ZBTB32: variants seen among roughly 807,000 people sequenced by gnomAD.
ZBTB32 encodes the protein zinc finger and BTB domain-containing protein 32.
ZBTB32 carries 28 observed loss-of-function variants against 45.3 expected under a neutral mutation model. That is an observed-to-expected ratio of 0.62 (90% CI 0.46 to 0.85). ZBTB32 has a LOEUF of 0.85. ZBTB32 is among the 40% of genes least tolerant of loss of function. The pLI, the probability that ZBTB32 is intolerant of heterozygous loss-of-function variation, is 0.00. For synonymous variants in ZBTB32, 283 were observed against 255.7 expected (o/e 1.11, Z -1.02); for missense variants, 587 against 624.4 (o/e 0.94, Z 0.64).
chr19:35,716,142 C>T lies in ZBTB32; in HGVS notation c.1034C>T (p.Ala345Val). 3.1e-6 allele frequency: 5 copies of T among 1,613,752 alleles called. No homozygotes were observed. The highest frequency in any genetic ancestry group is 4.2e-6 in the Non-Finnish European group (5 of 1,179,884). Reference sequence around the variant, plus strand: ...TTCTCTGTCCCCACAGGCGCACTTGCAACCTGTGCGGGTCATGAGGACAAG... The same window carrying T: ...TTCTCTGTCCCCACAGGCGCACTTGTAACCTGTGCGGGTCATGAGGACAAG... The part of the protein sequence containing the change: ...ESDQGHTGAL[A>V]TCAGHEDKAG... The change falls in exon 6 of 7, where the codon GCA becomes GTA. Residue 345 changes from alanine to valine, a missense_variant. By Grantham distance (64) the Ala-to-Val change is moderately conservative. Coordinates refer to ENST00000392197, the MANE Select transcript of ZBTB32 (RefSeq NM_014383.3).
At chr19:35,709,003 A>G (rs532032467) in intron 1 of ZBTB32, among the ~76,000 whole-genome samples, 131 of 151,842 alleles carry the variant, frequency 8.6e-4, no homozygotes, top group Non-Finnish European at 1.5e-3. Flanking sequence ...TATTTTTTGT[A>G]GAGACAGGGT....
chr19:35,706,813 A>G (rs373234141), intron 1 of ZBTB32, among the ~76,000 whole-genome samples: 2 of 152,192 alleles, frequency 1.3e-5, no homozygotes, highest in African/African-American at 4.8e-5. Flanking sequence ...GTTGATACCT[A>G]GTTTCATTCA....
chr19:35,715,718 G>A lies in ZBTB32; in HGVS notation c.882-39G>A, dbSNP rs1406307648. ...CTTCACGAAGGGGCCAGGCTCCCAG[G>A]TTTAGCCAAGGCTGTAACTCTTCCC... is the stretch of plus-strand genomic sequence containing the variant. On this transcript the variant is annotated intron_variant, in intron 3 of 6. Coordinates refer to ENST00000392197, the MANE Select transcript of ZBTB32 (RefSeq NM_014383.3). 3.8e-6 allele frequency: 6 copies of A among 1,567,688 alleles called. No homozygotes were observed. In the East Asian group the frequency reaches 9.1e-5, roughly 24 times the overall value.
intron 1 of ZBTB32, among the ~76,000 whole-genome samples, chr19:35,711,579 A>G (rs1007313655): frequency 6.6e-6 from 1 of 152,084 alleles, no homozygotes; most frequent in Non-Finnish European, 1.5e-5. Flanking sequence ...AAGGGTTAAC[A>G]TGTGCCTGCA....
rs372821981 is a variant in ZBTB32, at chr19:35,716,759, G to C, written c.*7G>C. The C allele has an allele frequency of 6.3e-7, 1 of 1,596,578 alleles. No individual in the cohort carries two copies. The highest frequency in any genetic ancestry group is 1.7e-5 in the Admixed American group (1 of 59,670). ...TTCTTCCTCCACCACCTGACGGGGT[G>C]TCGGTAGCGTCTTAGCCAAGAGTCC... On this transcript the variant is annotated 3_prime_UTR_variant, in exon 7 of 7. Transcript: ENST00000392197.
chr19:35,716,328 G>T, intron 6 of ZBTB32, 31 bp downstream of exon 6: 3 of 1,612,016 alleles, frequency 1.9e-6, no homozygotes, highest in South Asian at 1.1e-5. Context: ...GTGAACTGTC[G>T]GCTTTCTTCC....
Position 35,715,501 on chromosome 19 carries a change from A to T in ZBTB32, c.875A>T (p.Glu292Val). The T allele has an allele frequency of 6.5e-7, 1 of 1,539,028 alleles. No individual in the cohort carries two copies. The highest frequency in any genetic ancestry group is 8.7e-7 in the Non-Finnish European group (1 of 1,145,114). ...GGAGCCTGGCAGGAGGTCTGGCGGG[A>T]ACAGAGGTGAGTGGCGGGGTCTAGT... ...TTGAWQEVWR[E>V]QRIPLSLNAP... Residue 292 changes from glutamate to valine, a missense_variant, in exon 3 of 7, where the codon GAA (glutamate) becomes GTA (valine). Transcript: ENST00000392197.
Position 35,715,466 on chromosome 19 carries a change from C to A in ZBTB32, c.840C>A (p.Thr280=). The change falls in exon 3 of 7, where the codon ACC becomes ACA. Residue 280 remains threonine, a synonymous_variant. Transcript: ENST00000392197. ...PRYGIPFYHS[T]PTTGAWQEVW... is the part of the protein sequence containing the mutation. ...ATGGCATTCCCTTCTACCATAGCAC[C>A]CCCACCACTGGAGCCTGGCAGGAGG... 6.4e-7 allele frequency: 1 copy of A among 1,566,934 alleles called. No homozygotes were observed. Among genetic ancestry groups the A allele is most frequent in the Non-Finnish European group, 8.6e-7 (1 of 1,157,840 alleles).
chr19:35,707,369 C>CTTTTTTTTTTTTTTTTT, intron 1 of ZBTB32, among the ~76,000 whole-genome samples: 1 of 119,672 alleles, frequency 8.4e-6, no homozygotes, highest in Non-Finnish European at 1.7e-5. Flanking sequence ...CTACCATTTT[C>CTTTTTTTTTTTTTTTTT]TTTTTTTTTT....
chr19:35,712,845 G>C (rs964655547), intron 1 of ZBTB32, 72 bp from the exon 2 acceptor site: 1 of 152,148 alleles, frequency 6.6e-6, no homozygotes, highest in African/African-American at 2.4e-5. Context: ...CAGGGAGAGG[G>C]AGGAGGCCAG....
intron 1 of ZBTB32, among the ~76,000 whole-genome samples, chr19:35,705,613 A>G (rs1402735761): frequency 3.3e-5 from 5 of 152,052 alleles, no homozygotes; most frequent in Non-Finnish European, 7.4e-5. Context: ...GTGGCTCTGT[A>G]CAGAACTGGG....
chr19:35,711,063 GCTCC>G (rs1458475260), intron 1 of ZBTB32, among the ~76,000 whole-genome samples: 1 of 152,172 alleles, frequency 6.6e-6, no homozygotes, highest in Non-Finnish European at 1.5e-5. Flanking sequence ...GCCCACTGAT[GCTCC>G]CTGTCAACTA....
chr19:35,716,887 G>C lies in ZBTB32; in HGVS notation c.*135G>C, dbSNP rs746253840. On this transcript the variant is annotated 3_prime_UTR_variant, in exon 7 of 7. Coordinates refer to ENST00000392197, the MANE Select transcript of ZBTB32 (RefSeq NM_014383.3). ...AGAAGCGCCCCAGGAAGGGCGCCGA[G>C]TGCCCTCTCCTGGACGATCGCGGGT... The C allele has an allele frequency of 1.9e-6, 2 of 1,053,158 alleles. No homozygotes were observed. Among genetic ancestry groups the C allele is most frequent in the Non-Finnish European group, 2.7e-6 (2 of 739,296 alleles). 65.2% of individuals were successfully genotyped at this position (1,053,158 alleles called of 1,614,324 possible).
chr19:35,714,916 C>A lies in ZBTB32; in HGVS notation c.290C>A (p.Ala97Asp). The change falls in exon 3 of 7, where the codon GCC becomes GAC. Residue 97 changes from alanine to aspartate, a missense_variant. Transcript: ENST00000392197. ...GAGCTAAGGCCCCTTCAGGAGGCGG[C>A]CAGGGCCTTGGGAGTGCAGTCCCTG... is the stretch of plus-strand genomic sequence containing the variant. Reference protein sequence around the residue: ...PGELRPLQEAARALGVQSLEE... With the variant: ...PGELRPLQEADRALGVQSLEE... 6 of 1,582,814 alleles carry A rather than the reference C, an allele frequency of 3.8e-6. No homozygotes were observed. The highest frequency in any genetic ancestry group is 5.2e-6 in the Non-Finnish European group (6 of 1,164,072).
intron 1 of ZBTB32, among the ~76,000 whole-genome samples, chr19:35,709,163 G>A (rs768507764): frequency 6.6e-6 from 1 of 152,034 alleles, no homozygotes; most frequent in Non-Finnish European, 1.5e-5. Context: ...TTGGATAATC[G>A]CTCTTAATCT....
intron 1 of ZBTB32, among the ~76,000 whole-genome samples, chr19:35,706,602 C>A (rs933149637): frequency 2.0e-5 from 3 of 152,080 alleles, no homozygotes; most frequent in Non-Finnish European, 2.9e-5. Context: ...TGCCTGTAAT[C>A]CCAGCTACTT....
Position 35,709,453 on chromosome 19 carries a change from G to C in ZBTB32, c.-221-3464G>C, listed in dbSNP as rs185484020. On this transcript the variant is annotated intron_variant, in intron 1 of 6. Transcript: ENST00000392197. The stretch of plus-strand genomic sequence containing the variant: ...GTGTTGACATTGTTACATCAAGCTG[G>C]GTTGTGCCTCAAGAAGTTCATGATA... 4.6e-3 allele frequency among the ~76,000 whole-genome samples: 701 copies of C among 152,250 alleles called. 3 individuals carry two copies. Among genetic ancestry groups the C allele is most frequent in the Non-Finnish European group, 7.1e-3 (485 of 68,034 alleles).
intron 1 of ZBTB32, among the ~76,000 whole-genome samples, chr19:35,712,321 G>A (rs1968725057): frequency 6.6e-6 from 1 of 152,124 alleles, no homozygotes; most frequent in African/African-American, 2.4e-5. Context: ...AATTAGCTAG[G>A]CATGGTGGCT....
rs778480374 is a variant in ZBTB32 at position 35,715,337 on chromosome 19, C to G, written c.711C>G (p.Gly237=). The change falls in exon 3 of 7, where the codon GGC becomes GGG. Residue 237 remains glycine, a synonymous_variant. Transcript: ENST00000392197. ...RKLPGPLPPA[G]SLQTSVTPRP... is the part of the protein sequence containing the mutation. ...TCCCTGGCCCCCTTCCCCCAGCAGG[C>G]TCCCTGCAAACCAGCGTCACCCCTA... 3 of 1,603,438 alleles carry G rather than the reference C, an allele frequency of 1.9e-6. No homozygotes were observed. The South Asian group carries it at 3.3e-5, about 18-fold the overall frequency.
Sources: gnomAD v4.1 joint callset for allele counts (sites outside exome capture counted in the v4.1 genomes callset) on GRCh38, gnomAD v4.1.1 for gene constraint, MANE v1.5 for transcripts, NCBI Gene and HGNC (gene_info 2026-07-23, HGNC 2026-07-21) for gene names.